The following DNASE1 variants were observed in gnomAD, a reference collection of about 807,000 sequenced individuals.
DNASE1 encodes deoxyribonuclease-1.
Under a neutral mutation model 33.9 loss-of-function variants are expected in DNASE1, and 40 were observed. The ratio of observed to expected loss-of-function variants is 1.18; its 90% CI spans 0.92 to 1.54. The LOEUF is 1.54. Ranked by LOEUF, DNASE1 falls within the 40% of genes most tolerant of loss-of-function variation. DNASE1 has a pLI of 0.00. For synonymous variants in DNASE1, 216 were observed against 160.0 expected (o/e 1.35, Z -2.64); for missense variants, 518 against 372.6 (o/e 1.39, Z -3.21).
exon 10 of DNASE1, chr16:3,665,008 GA>G (rs2050796671): frequency 6.5e-6 from 1 of 154,240 alleles, no homozygotes; most frequent in Non-Finnish European, 1.4e-5. Context: ...GACGCAGGGG[GA>G]AAACAGAAAG....
intron 1 of DNASE1, among the ~76,000 whole-genome samples, chr16:3,616,806 T>G (rs2041119904): frequency 6.6e-6 from 1 of 152,090 alleles, no homozygotes; most frequent in African/African-American, 2.4e-5. Flanking sequence ...GACATATGGG[T>G]CAGTGGAAGA....
At chr16:3,612,458 C>T (rs2040918717) in intron 1 of DNASE1, among the ~76,000 whole-genome samples, 1 of 151,798 alleles carries the variant, frequency 6.6e-6, no homozygotes, top group African/African-American at 2.4e-5. Context: ...ACTCTGTTGC[C>T]CAGGCTGGTC....
chr16:3,640,091 G>A (rs60860998), upstream of DNASE1, among the ~76,000 whole-genome samples: 4 of 152,148 alleles, frequency 2.6e-5, no homozygotes, highest in African/African-American at 7.2e-5. Context: ...GGCCTTCTGC[G>A]GAGTCTACCC....
At chr16:3,622,291 A>G (rs948861642) in intron 1 of DNASE1, among the ~76,000 whole-genome samples, 13 of 151,594 alleles carry the variant, frequency 8.6e-5, no homozygotes, top group African/African-American at 2.9e-4. Flanking sequence ...TCATATCCAC[A>G]CACTCACAGA....
rs773995057 is a variant in DNASE1 at position 3,657,884 on chromosome 16, C to T, written c.802-22C>T. ...GGAGCTCAGGTAGGCTCAGCCCAGACCCTGTGCCCACTTGCCTGCAGGCCC... is the reference window on the plus strand; with the variant it reads ...GGAGCTCAGGTAGGCTCAGCCCAGATCCTGTGCCCACTTGCCTGCAGGCCC... On this transcript the variant is annotated intron_variant, in intron 8 of 8. Coordinates refer to ENST00000246949, the MANE Select transcript of DNASE1 (RefSeq NM_005223.4). 5 of 1,614,054 alleles carry T rather than the reference C, an allele frequency of 3.1e-6. No individual in the cohort carries two copies. In the Admixed American group the frequency reaches 5.0e-5, roughly 16 times the overall value.
rs566896280 is a variant in DNASE1, at chr16:3,634,982, A to C, written c.-1358-5733A>C. On this transcript the variant is annotated intron_variant and NMD_transcript_variant, in intron 1 of 11. Transcript: ENST00000570769. ...TCCTTAGGCAACCTGGTGGTCCTTAAGGAGGGGAGGTCACCATTTTGATGC... is the reference window on the plus strand; with the variant it reads ...TCCTTAGGCAACCTGGTGGTCCTTACGGAGGGGAGGTCACCATTTTGATGC... Among the ~76,000 whole-genome samples the C allele has an allele frequency of 6.6e-4, 101 of 152,092 alleles. 2 individuals are homozygous for C. The highest frequency in any genetic ancestry group is 3.4e-3 in the Admixed American group (52 of 15,270).
At chr16:3,645,694 T>TCTGCTGC (rs534519942) in intron 1 of DNASE1, among the ~76,000 whole-genome samples, 70 of 152,254 alleles carry the variant, frequency 4.6e-4, no homozygotes, top group South Asian at 2.1e-3. Context: ...GAAGGGGCGG[T>TCTGCTGC]CTGCTGCCTG....
chr16:3,637,900 G>A (rs776117205), intron 1 of DNASE1, among the ~76,000 whole-genome samples: 4 of 152,076 alleles, frequency 2.6e-5, no homozygotes, highest in Non-Finnish European at 2.9e-5. Flanking sequence ...CTCCTGTGTC[G>A]GGGGCAGTCA....
At chr16:3,658,907 G>C, downstream of DNASE1, 1 of 1,597,050 alleles carries the variant, frequency 6.3e-7, no homozygotes, top group Non-Finnish European at 8.6e-7. Flanking sequence ...TCAGTACCAC[G>C]TGCTGTGACC....
chr16:3,612,579 G>T (rs1268857644), intron 1 of DNASE1, among the ~76,000 whole-genome samples: 2 of 125,150 alleles, frequency 1.6e-5, no homozygotes, highest in East Asian at 4.5e-4. Flanking sequence ...AAGTAGAGAC[G>T]GGCGGTGGGG....
chr16:3,665,386 A>G (rs1050395122), exon 10 of DNASE1: 1 of 152,998 alleles, frequency 6.5e-6, no homozygotes, highest in Non-Finnish European at 1.5e-5. Flanking sequence ...ATGCCACTGA[A>G]TTTTACGTGT....
chr16:3,655,351 TCTGTGCC>T lies in DNASE1; in HGVS notation c.-1-15_-1-9del, dbSNP rs2042531236. The stretch of plus-strand genomic sequence containing the variant: ...GATGACGTCTCACTTCTGTTATGTC[TCTGTGCC>T]CTGTGCTCTCCCAGGATGAGGGGCA... On this transcript the variant is annotated splice_polypyrimidine_tract_variant and intron_variant, in intron 1 of 8. Transcript: ENST00000246949. 2 of 1,612,740 alleles carry T rather than the reference TCTGTGCC, an allele frequency of 1.2e-6. No homozygotes were observed. Among genetic ancestry groups the T allele is most frequent in the South Asian group, 1.1e-5 (1 of 91,076 alleles).
At chr16:3,638,359 G>T (rs936419530), upstream of DNASE1, among the ~76,000 whole-genome samples, 6 of 151,764 alleles carry the variant, frequency 4.0e-5, no homozygotes, top group South Asian at 1.3e-3. Flanking sequence ...TTTTTTTGAG[G>T]CGGAGTCTCG....
chr16:3,654,650 A>G, upstream of DNASE1: 1 of 399,052 alleles, frequency 2.5e-6, no homozygotes, highest in East Asian at 3.6e-5. Context: ...TGGCCTTGTT[A>G]TCAGACATTT....
chr16:3,627,120 C>T (rs1254164760), intron 1 of DNASE1, among the ~76,000 whole-genome samples: 1 of 151,732 alleles, frequency 6.6e-6, no homozygotes, highest in African/African-American at 2.4e-5. Flanking sequence ...AAGTGATCCT[C>T]CCATGTTGGC....
chr16:3,613,207 A>C (rs768122328), intron 1 of DNASE1, among the ~76,000 whole-genome samples: 7 of 152,078 alleles, frequency 4.6e-5, no homozygotes, highest in Admixed American at 6.5e-5. Context: ...TATTCAGTAC[A>C]TTTTATGTAA....
At chr16:3,618,376 G>A (rs1242984691) in intron 1 of DNASE1, among the ~76,000 whole-genome samples, 1 of 152,110 alleles carries the variant, frequency 6.6e-6, no homozygotes, top group African/African-American at 2.4e-5. Flanking sequence ...ACAAGTTAAA[G>A]ATAAAATCAT....
intron 1 of DNASE1, among the ~76,000 whole-genome samples, chr16:3,625,095 T>A (rs910554415): frequency 1.3e-5 from 2 of 152,090 alleles, no homozygotes; most frequent in East Asian, 3.9e-4. Context: ...TCACCTGAGG[T>A]TGGGAGTTCA....
chr16:3,659,712 C>G (rs141218924), downstream of DNASE1: 6 of 151,986 alleles, frequency 3.9e-5, no homozygotes, highest in East Asian at 1.2e-3. Context: ...CTCAGCCATT[C>G]CATTTCCTAA....
Sources: gnomAD v4.1 joint callset for allele counts (sites outside exome capture counted in the v4.1 genomes callset) on GRCh38, gnomAD v4.1.1 for gene constraint, MANE v1.5 for transcripts, NCBI Gene and HGNC (gene_info 2026-07-23, HGNC 2026-07-21) for gene names.